The following PEMT variants were observed in gnomAD, a reference collection of about 807,000 sequenced individuals.
The protein encoded by PEMT is phosphatidylethanolamine N-methyltransferase.
In PEMT, 23 loss-of-function variants were observed where a neutral mutation model predicts 27.4. The observed-to-expected ratio is 0.84, with a 90% CI of 0.60 to 1.19. PEMT has a LOEUF of 1.19. PEMT is among the 50% of genes most tolerant of loss of function. The pLI, the probability that PEMT is intolerant of heterozygous loss-of-function variation, is 0.00. For synonymous variants in PEMT, 137 were observed against 139.1 expected (o/e 0.98, Z 0.11); for missense variants, 307 against 310.1 (o/e 0.99, Z 0.07).
intron 5 of PEMT, 47 bp downstream of exon 5, chr17:17,509,386 TC>T: frequency 7.9e-7 from 1 of 1,267,884 alleles, no homozygotes; most frequent in Non-Finnish European, 1.1e-6. Context: ...CCAGCTCCTC[TC>T]CGGGAGGTGG....
At chr17:17,517,677 G>T (rs1277866747) in intron 3 of PEMT, among the ~76,000 whole-genome samples, 7 of 152,210 alleles carry the variant, frequency 4.6e-5, no homozygotes, top group African/African-American at 1.4e-4. Context: ...TAGGGGAGAG[G>T]GGCTCTGGGG....
intron 2 of PEMT, among the ~76,000 whole-genome samples, chr17:17,549,321 C>G (rs1909483848): frequency 6.6e-6 from 1 of 152,194 alleles, no homozygotes; most frequent in African/African-American, 2.4e-5. Context: ...TCCTGAGTAG[C>G]TGGGACTACA....
Position 17,566,834 on chromosome 17 carries a change from G to A in PEMT, c.204+10086C>T, listed in dbSNP as rs564355177. Among the ~76,000 whole-genome samples, 56 of 152,304 alleles carry A rather than the reference G, an allele frequency of 3.7e-4. No homozygotes were observed. In the Middle Eastern group the frequency reaches 0.017, roughly 46 times the overall value. On this transcript the variant is annotated intron_variant, in intron 2 of 6. Transcript: ENST00000255389. ...ATGCTTAGCCTGAAGGCCACCAGCCGGGTCCACAGAAAGGTGGAAGTAGGA... is the reference window on the plus strand; with the variant it reads ...ATGCTTAGCCTGAAGGCCACCAGCCAGGTCCACAGAAAGGTGGAAGTAGGA...
intron 2 of PEMT, among the ~76,000 whole-genome samples, chr17:17,532,702 A>G (rs1333929992): frequency 2.0e-5 from 3 of 152,244 alleles, no homozygotes; most frequent in East Asian, 3.8e-4. Flanking sequence ...AAAATATCCA[A>G]AACAATCTTT....
chr17:17,591,889 G>A (rs1312279769), upstream of PEMT: 2 of 985,478 alleles, frequency 2.0e-6, no homozygotes, highest in East Asian at 1.1e-4. Context: ...CTGCAGCTAC[G>A]TAGCAGTATC....
chr17:17,557,124 C>T (rs905361347), intron 2 of PEMT, among the ~76,000 whole-genome samples: 6 of 152,176 alleles, frequency 3.9e-5, no homozygotes, highest in African/African-American at 1.2e-4. Context: ...GCTTTTCCCC[C>T]GGAGCCTCTG....
chr17:17,562,162 C>T (rs1371793502), intron 2 of PEMT, among the ~76,000 whole-genome samples: 2 of 152,220 alleles, frequency 1.3e-5, no homozygotes, highest in Admixed American at 6.5e-5. Context: ...AAGCACAGGG[C>T]GGGACCAGCT....
At chr17:17,507,068 G>A (rs1314783586) in intron 5 of PEMT, 34 of 1,123,946 alleles carry the variant, frequency 3.0e-5, no homozygotes, top group African/African-American at 4.7e-5. Context: ...GTAAGCAGCG[G>A]CAGCTCGTCA....
At chr17:17,581,242 A>G (rs1359267072) in intron 1 of PEMT, among the ~76,000 whole-genome samples, 1 of 152,194 alleles carries the variant, frequency 6.6e-6, no homozygotes, top group Non-Finnish European at 1.5e-5. Flanking sequence ...TAGTCACCTT[A>G]GCTGAGCTCC....
At position 17,576,929 on chromosome 17, in the gene PEMT, G is replaced by C. The variant is rs776961600; in HGVS notation, c.195C>G (p.Tyr65Ter). The C allele has an allele frequency of 6.2e-7, 1 of 1,613,026 alleles. No individual in the cohort carries two copies. The highest frequency in any genetic ancestry group is 1.1e-5 in the South Asian group (1 of 91,064). ...CAGGCACATCACTTACCACATTCCA[G>C]TAGAGCGGATTGAAGGTGATGGTGA... ...AVITITFNPL[Y>*]WNVVARWEHK... The change falls in exon 2 of 7, where the codon TAC becomes TAG. Residue 65 changes from tyrosine (Y) to a stop codon, truncating the protein, a stop_gained. Coordinates refer to ENST00000255389, the MANE Select transcript of PEMT (RefSeq NM_148172.3). LOFTEE classifies it high-confidence loss of function.
At chr17:17,546,140 G>A (rs1189296587) in intron 2 of PEMT, among the ~76,000 whole-genome samples, 6 of 152,142 alleles carry the variant, frequency 3.9e-5, no homozygotes, top group Non-Finnish European at 8.8e-5. Context: ...TCCCTGGGGC[G>A]ATGCACAGAC....
intron 2 of PEMT, among the ~76,000 whole-genome samples, chr17:17,527,093 A>C (rs867366309): frequency 5.9e-4 from 90 of 152,328 alleles, no homozygotes; most frequent in African/African-American, 2.1e-3. Context: ...CCTGGAGTGC[A>C]ACGGCGCAAT....
intron 2 of PEMT, among the ~76,000 whole-genome samples, chr17:17,545,789 C>A (rs982576922): frequency 6.6e-6 from 1 of 152,152 alleles, no homozygotes; most frequent in Non-Finnish European, 1.5e-5. Context: ...CAGGTCACAG[C>A]GTTCGTGACG....
At position 17,509,472 on chromosome 17, in the gene PEMT, G is replaced by C. The variant is rs1906174033; in HGVS notation, c.540C>G (p.Tyr180Ter). Residue 180 changes from tyrosine (Y) to a stop codon, truncating the protein, a stop_gained, in exon 5 of 7, where the codon TAC becomes TAG. Transcript: ENST00000255389. LOFTEE classifies it high-confidence loss of function. ...FPFNILDNPM[Y>*]WGSTANYLGW... Reference sequence around the variant, plus strand: ...CCAGGTAGTTGGCTGTGCTTCCCCAGTACATGGGGTTGTCCAGGATGTTGA... The same window carrying C: ...CCAGGTAGTTGGCTGTGCTTCCCCACTACATGGGGTTGTCCAGGATGTTGA... 1 of 1,613,908 alleles carries C rather than the reference G, an allele frequency of 6.2e-7. No individual in the cohort carries two copies.
intron 2 of PEMT, among the ~76,000 whole-genome samples, chr17:17,546,149 A>C (rs1909247660): frequency 1.3e-5 from 2 of 152,168 alleles, no homozygotes; most frequent in Non-Finnish European, 2.9e-5. Context: ...CGATGCACAG[A>C]CGCTCTGGCT....
chr17:17,583,025 G>A (rs1251806121), intron 1 of PEMT, among the ~76,000 whole-genome samples: 1 of 150,626 alleles, frequency 6.6e-6, no homozygotes, highest in Non-Finnish European at 1.5e-5. Flanking sequence ...TCATGCCACT[G>A]CACTCCAGCC....
rs70963015 is a variant in PEMT at position 17,520,342 on chromosome 17, G to A, written c.320+1938C>T. Among the ~76,000 whole-genome samples the A allele has an allele frequency of 3.9e-3, 600 of 152,328 alleles. 5 individuals are homozygous for A. The highest frequency in any genetic ancestry group is 0.014 in the African/African-American group (573 of 41,564). On this transcript the variant is annotated intron_variant, in intron 3 of 6. Coordinates refer to ENST00000255389, the MANE Select transcript of PEMT (RefSeq NM_148172.3). ...CCCATAACCCAGCCTGGGTGGTGCCGGTGCCTGCCAGGTTCCTCTGGCCTA... is the reference window on the plus strand; with the variant it reads ...CCCATAACCCAGCCTGGGTGGTGCCAGTGCCTGCCAGGTTCCTCTGGCCTA...
At chr17:17,509,845 C>T (rs902116397) in intron 4 of PEMT, among the ~76,000 whole-genome samples, 4 of 152,320 alleles carry the variant, frequency 2.6e-5, no homozygotes, top group South Asian at 4.1e-4. Context: ...GCTCTGCACA[C>T]GCTGTTCCCT....
chr17:17,537,666 G>T (rs1034867649), intron 2 of PEMT, among the ~76,000 whole-genome samples: 1 of 152,218 alleles, frequency 6.6e-6, no homozygotes, highest in Non-Finnish European at 1.5e-5. Context: ...AGATAGAGTG[G>T]GAGAAAGAGA....
Sources: allele counts gnomAD v4.1 joint callset (sites outside exome capture counted in the v4.1 genomes callset), GRCh38; gene constraint gnomAD v4.1.1; transcripts MANE v1.5; gene names NCBI Gene and HGNC (gene_info 2026-07-23, HGNC 2026-07-21).